CRYBB2: variants seen among roughly 807,000 people sequenced by gnomAD.
The protein encoded by CRYBB2 is crystallin beta B2.
CRYBB2 carries 12 observed loss-of-function variants against 24.3 expected under a neutral mutation model. The ratio of observed to expected loss-of-function variants is 0.49; its 90% CI spans 0.32 to 0.80. The LOEUF (loss-of-function observed/expected upper bound fraction) is 0.80, where lower values mean the gene tolerates loss of function less well. Ranked by LOEUF, CRYBB2 falls within the 30% of genes least tolerant of loss-of-function variation. The pLI, the probability that CRYBB2 is intolerant of heterozygous loss-of-function variation, is 0.04. For synonymous variants in CRYBB2, 98 were observed against 101.6 expected (o/e 0.96, Z 0.21); for missense variants, 198 against 268.5 (o/e 0.74, Z 1.83).
rs1345938832 is a variant in CRYBB2 at position 25,229,344 on chromosome 22, C to G, written c.307-92C>G. On this transcript the variant is annotated intron_variant, in intron 4 of 5. Transcript: ENST00000398215. The stretch of plus-strand genomic sequence containing the variant: ...GGAAGAGAGTGATGTGTGGGACATG[C>G]TGATCCCAACTCTGGGGCATGAGCA... 5.9e-6 allele frequency: 9 copies of G among 1,518,772 alleles called. No individual in the cohort carries two copies. The East Asian group carries it at 2.2e-4, about 37-fold the overall frequency. 94.1% of individuals were successfully genotyped at this position (1,518,772 alleles called of 1,614,324 possible).
At chr22:25,224,130 A>G (rs1935371901) in intron 2 of CRYBB2, among the ~76,000 whole-genome samples, 1 of 150,230 alleles carries the variant, frequency 6.7e-6, no homozygotes, top group East Asian at 2.0e-4. Context: ...TCTCAAAAAA[A>G]AAAAACAAAA....
chr22:25,228,910 GTGTGTGTGTACA>G (rs1569021157), intron 4 of CRYBB2, among the ~76,000 whole-genome samples: 1 of 152,082 alleles, frequency 6.6e-6, no homozygotes, highest in African/African-American at 2.4e-5. Flanking sequence ...TAGCCTGTGC[GTGTGTGTGTACA>G]TGTGTGGGTG....
chr22:25,226,281 T>C (rs898274518), intron 3 of CRYBB2, among the ~76,000 whole-genome samples: 1 of 152,018 alleles, frequency 6.6e-6, no homozygotes, highest in Non-Finnish European at 1.5e-5. Flanking sequence ...CAAGGTAGCA[T>C]GGACTCTCTC....
At chr22:25,213,394 A>G (rs1455897561) in intron 1 of CRYBB2, 1 of 152,134 alleles carries the variant, frequency 6.6e-6, no homozygotes, top group Non-Finnish European at 1.5e-5. Context: ...CTGTCAGGCT[A>G]TGCTGCAGTA....
intron 5 of CRYBB2, among the ~76,000 whole-genome samples, chr22:25,231,304 A>T (rs1046686550): frequency 6.8e-6 from 1 of 146,060 alleles, no homozygotes; most frequent in African/African-American, 2.5e-5. Context: ...TTAAGATATC[A>T]CCCCCTTGCT....
chr22:25,219,496 T>C (rs1935284174), upstream of CRYBB2: 1 of 152,274 alleles, frequency 6.6e-6, no homozygotes, highest in South Asian at 2.1e-4. Context: ...ACACAATGTC[T>C]GTGGGCATTT....
chr22:25,221,093 G>A (rs780848843), intron 1 of CRYBB2, among the ~76,000 whole-genome samples: 2 of 152,220 alleles, frequency 1.3e-5, no homozygotes, highest in Non-Finnish European at 2.9e-5. Context: ...TATATTCTGT[G>A]TGGTATCCAT....
chr22:25,217,248 C>A (rs780849755), upstream of CRYBB2, among the ~76,000 whole-genome samples: 32 of 150,990 alleles, frequency 2.1e-4, no homozygotes, highest in Non-Finnish European at 4.0e-4. Flanking sequence ...TTCCCAATTT[C>A]TGTTGTTTTT....
At chr22:25,226,963 A>C (rs1935429125) in intron 3 of CRYBB2, among the ~76,000 whole-genome samples, 1 of 152,004 alleles carries the variant, frequency 6.6e-6, no homozygotes, top group Non-Finnish European at 1.5e-5. Flanking sequence ...CGTGAGCCAC[A>C]GCGCCCAGCC....
upstream of CRYBB2, among the ~76,000 whole-genome samples, chr22:25,217,611 C>T (rs908304071): frequency 6.6e-6 from 1 of 151,982 alleles, no homozygotes; most frequent in Non-Finnish European, 1.5e-5. Flanking sequence ...GCCGCTGTGC[C>T]CGGCCAGCCC....
chr22:25,230,896 A>G (rs1935520023), intron 5 of CRYBB2, among the ~76,000 whole-genome samples: 1 of 151,978 alleles, frequency 6.6e-6, no homozygotes, highest in South Asian at 2.1e-4. Context: ...AAGGAACAGT[A>G]GGAATTGCAG....
At chr22:25,221,858 T>C (rs1031926803) in intron 2 of CRYBB2, among the ~76,000 whole-genome samples, 3 of 152,196 alleles carry the variant, frequency 2.0e-5, no homozygotes, top group African/African-American at 7.2e-5. Flanking sequence ...TGCTGTGTGA[T>C]CCGGGCCAAT....
intron 1 of CRYBB2, among the ~76,000 whole-genome samples, chr22:25,220,724 A>C (rs964076178): frequency 1.3e-5 from 2 of 152,198 alleles, no homozygotes; most frequent in African/African-American, 4.8e-5. Flanking sequence ...ACAATTTTCC[A>C]GGCTTTTCTG....
At position 25,231,683 on chromosome 22, in the gene CRYBB2, T is replaced by G. The variant is rs760153063; in HGVS notation, c.529T>G (p.Phe177Val). The change falls in exon 6 of 6, where the codon TTT becomes GTT. Residue 177 changes from phenylalanine (F) to valine (V), a missense_variant. By Grantham distance (50) the Phe-to-Val change is conservative. Coordinates refer to ENST00000398215, the MANE Select transcript of CRYBB2 (RefSeq NM_000496.3). ...GGGAGACTACAAGGACAGCAGCGACTTTGGGGCCCCTCACCCCCAGGTGCA... is the reference window on the plus strand; with the variant it reads ...GGGAGACTACAAGGACAGCAGCGACGTTGGGGCCCCTCACCCCCAGGTGCA... ...EKGDYKDSSD[F>V]GAPHPQVQSV... is the part of the protein sequence containing the mutation. 1.2e-6 allele frequency: 2 copies of G among 1,614,096 alleles called. No homozygotes were observed. Among genetic ancestry groups the G allele is most frequent in the South Asian group, 2.2e-5 (2 of 91,076 alleles).
chr22:25,220,104 G>A (rs1415560626), intron 1 of CRYBB2, among the ~76,000 whole-genome samples: 1 of 152,162 alleles, frequency 6.6e-6, no homozygotes, highest in Non-Finnish European at 1.5e-5. Context: ...AGTGCTAGGG[G>A]ATAGGATGCA....
intron 1 of CRYBB2, among the ~76,000 whole-genome samples, chr22:25,214,037 A>C (rs999648375): frequency 1.4e-4 from 22 of 152,352 alleles, no homozygotes; most frequent in African/African-American, 5.0e-4. Flanking sequence ...CCCAGGTCAC[A>C]TCAAAAGCCT....
upstream of CRYBB2, among the ~76,000 whole-genome samples, chr22:25,216,412 T>C (rs934826368): frequency 6.6e-6 from 1 of 152,144 alleles, no homozygotes; most frequent in African/African-American, 2.4e-5. Flanking sequence ...GATGTGAAGA[T>C]ACAGGGAGAA....
chr22:25,214,867 A>T (rs1407865966), upstream of CRYBB2, among the ~76,000 whole-genome samples: 1 of 152,258 alleles, frequency 6.6e-6, no homozygotes, highest in Admixed American at 6.5e-5. Flanking sequence ...GCCTTTGGGC[A>T]AGAAAGTCTC....
chr22:25,218,976 C>T (rs1935275604), upstream of CRYBB2, among the ~76,000 whole-genome samples: 1 of 152,146 alleles, frequency 6.6e-6, no homozygotes, highest in Non-Finnish European at 1.5e-5. Flanking sequence ...CCCTATTTGT[C>T]ACATGTCATG....
Sources: gnomAD v4.1 joint callset for allele counts (sites outside exome capture counted in the v4.1 genomes callset) on GRCh38, gnomAD v4.1.1 for gene constraint, MANE v1.5 for transcripts, NCBI Gene and HGNC (gene_info 2026-07-23, HGNC 2026-07-21) for gene names.